SHANK2: variants seen among roughly 807,000 people sequenced by gnomAD.
SHANK2 encodes the protein SH3 and multiple ankyrin repeat domains protein 2.
SHANK2 carries 43 observed loss-of-function variants against 133.7 expected under a neutral mutation model. That is an observed-to-expected ratio of 0.32 (90% CI 0.25 to 0.41). The LOEUF (loss-of-function observed/expected upper bound fraction) is 0.41, where lower values mean the gene tolerates loss of function less well. SHANK2 is among the 10% of genes least tolerant of loss of function. The pLI is 1.00. For synonymous variants in SHANK2, 1,017 were observed against 952.8 expected, an observed-to-expected ratio of 1.07 and a Z score of -1.24; for missense variants, 1,994 against 2,235.8, an observed-to-expected ratio of 0.89 and a Z score of 2.18.
At chr11:71,143,083 A>C (rs1952586109) in intron 3 of SHANK2, among the ~76,000 whole-genome samples, 2 of 152,188 alleles carry the variant, frequency 1.3e-5, no homozygotes, top group Middle Eastern at 3.4e-3. Flanking sequence ...AAAATACAAA[A>C]AATTAGCCGG....
chr11:71,094,059 G>A (rs1027480224), intron 7 of SHANK2, among the ~76,000 whole-genome samples: 3 of 152,078 alleles, frequency 2.0e-5, no homozygotes, highest in African/African-American at 7.2e-5. Context: ...GTGCTGGGGG[G>A]ATCTACCATG....
At chr11:70,699,857 C>G (rs1945481157) in intron 14 of SHANK2, among the ~76,000 whole-genome samples, 1 of 152,218 alleles carries the variant, frequency 6.6e-6, no homozygotes, top group African/African-American at 2.4e-5. Flanking sequence ...CCCTTGAACC[C>G]AGATGTGGCC....
chr11:70,708,193 A>G (rs1945705476), intron 14 of SHANK2, among the ~76,000 whole-genome samples: 1 of 151,954 alleles, frequency 6.6e-6, no homozygotes, highest in Non-Finnish European at 1.5e-5. Context: ...TTGCAATGGG[A>G]GGAGTGCCAT....
intron 10 of SHANK2, chr11:70,943,215 G>A (rs77781012): frequency 2.6e-6 from 1 of 386,704 alleles, no homozygotes; most frequent in Non-Finnish European, 5.1e-6. Flanking sequence ...GGGTCTGTCT[G>A]TGTCTGGAGG....
intron 2 of SHANK2, among the ~76,000 whole-genome samples, chr11:71,197,398 T>G (rs1459835210): frequency 6.6e-6 from 1 of 152,208 alleles, no homozygotes; most frequent in Non-Finnish European, 1.5e-5. Context: ...AAAAACAGAT[T>G]AATAAATAAG....
chr11:70,931,290 T>C (rs1950501277), intron 10 of SHANK2, among the ~76,000 whole-genome samples: 1 of 152,208 alleles, frequency 6.6e-6, no homozygotes, highest in Non-Finnish European at 1.5e-5. Flanking sequence ...ACTATGGTGA[T>C]AGTTGCACAA....
chr11:70,830,000 A>C (rs190338929), intron 11 of SHANK2, among the ~76,000 whole-genome samples: 22 of 152,256 alleles, frequency 1.4e-4, no homozygotes, highest in African/African-American at 4.8e-4. Flanking sequence ...TCACTGTCAG[A>C]CGCGGGCAGC....
intron 17 of SHANK2, among the ~76,000 whole-genome samples, chr11:70,517,405 T>C (rs938647612): frequency 1.8e-4 from 28 of 152,218 alleles, no homozygotes; most frequent in African/African-American, 6.3e-4. Flanking sequence ...TACAAAAACC[T>C]GTATGCCGAG....
chr11:70,784,111 C>T (rs1947581504), intron 14 of SHANK2, among the ~76,000 whole-genome samples: 1 of 152,098 alleles, frequency 6.6e-6, no homozygotes, highest in Non-Finnish European at 1.5e-5. Flanking sequence ...AGAAGCCGGG[C>T]ACCCTGTTCA....
At chr11:70,903,316 G>A (rs2135692743) in intron 10 of SHANK2, among the ~76,000 whole-genome samples, 1 of 151,916 alleles carries the variant, frequency 6.6e-6, no homozygotes, top group Admixed American at 6.6e-5. Context: ...GGCGGAGGTT[G>A]CAGTGAGCTG....
At chr11:70,624,820 G>A (rs972141218) in intron 17 of SHANK2, among the ~76,000 whole-genome samples, 3 of 152,232 alleles carry the variant, frequency 2.0e-5, no homozygotes, top group Non-Finnish European at 4.4e-5. Flanking sequence ...CACTGTCCCA[G>A]TTCCACACCT....
At chr11:71,166,776 C>T (rs1953159928) in intron 2 of SHANK2, among the ~76,000 whole-genome samples, 1 of 151,778 alleles carries the variant, frequency 6.6e-6, no homozygotes, top group Non-Finnish European at 1.5e-5. Flanking sequence ...AGCCACCACA[C>T]CGGGCCCACA....
intron 6 of SHANK2, among the ~76,000 whole-genome samples, chr11:71,106,105 T>C (rs896107003): frequency 3.9e-5 from 6 of 152,250 alleles, no homozygotes. Flanking sequence ...GAACTCACAG[T>C]ACTTCTATTC....
At chr11:71,058,019 T>C (rs1353150447) in intron 9 of SHANK2, among the ~76,000 whole-genome samples, 1 of 147,580 alleles carries the variant, frequency 6.8e-6, no homozygotes, top group Non-Finnish European at 1.5e-5. Context: ...CTCAACCTCC[T>C]GAGTACCTGG....
At chr11:70,783,654 A>T (rs1947564671) in intron 14 of SHANK2, among the ~76,000 whole-genome samples, 1 of 150,008 alleles carries the variant, frequency 6.7e-6, no homozygotes, top group African/African-American at 2.5e-5. Context: ...GGGCAGAGAC[A>T]GTTATCCTGG....
intron 17 of SHANK2, among the ~76,000 whole-genome samples, chr11:70,541,740 G>A (rs942211901): frequency 9.2e-5 from 14 of 152,242 alleles, no homozygotes. Flanking sequence ...TGTTGCTACT[G>A]GCATCTTGTG....
intron 2 of SHANK2, among the ~76,000 whole-genome samples, chr11:71,148,906 C>A (rs1316651636): frequency 1.3e-5 from 2 of 152,128 alleles, no homozygotes; most frequent in Non-Finnish European, 2.9e-5. Context: ...CGTAACGGCA[C>A]AGAAGCAGTC....
intron 14 of SHANK2, among the ~76,000 whole-genome samples, chr11:70,722,970 T>C (rs573783926): frequency 6.6e-6 from 1 of 152,324 alleles, no homozygotes; most frequent in African/African-American, 2.4e-5. Context: ...CTGTTAATAA[T>C]GAATAAGCCT....
chr11:71,233,473 G>A (rs1954777634), intron 1 of SHANK2, among the ~76,000 whole-genome samples: 3 of 152,124 alleles, frequency 2.0e-5, no homozygotes, highest in Admixed American at 6.5e-5. Context: ...GGAAGAGGAG[G>A]GAAGATCAGA....
Sources: gnomAD v4.1 joint callset for allele counts (sites outside exome capture counted in the v4.1 genomes callset) on GRCh38, gnomAD v4.1.1 for gene constraint, MANE v1.5 for transcripts, NCBI Gene and HGNC (gene_info 2026-07-23, HGNC 2026-07-21) for gene names.